TACC2: variants seen among roughly 807,000 people sequenced by gnomAD.
TACC2 encodes the protein transforming acidic coiled-coil-containing protein 2.
In TACC2, 137 loss-of-function variants were observed where a neutral mutation model predicts 227.3. The ratio of observed to expected loss-of-function variants is 0.60; its 90% CI spans 0.52 to 0.69. The LOEUF (loss-of-function observed/expected upper bound fraction) is 0.69, where lower values mean the gene tolerates loss of function less well. TACC2 is among the 30% of genes least tolerant of loss of function. The probability of loss-of-function intolerance (pLI) is 0.00; values close to 1 mark genes in which losing one functional copy is unlikely to be tolerated. For synonymous variants in TACC2, 1,523 were observed against 1,487.5 expected, an observed-to-expected ratio of 1.02 and a Z score of -0.55; for missense variants, 3,470 against 3,694.4, an observed-to-expected ratio of 0.94 and a Z score of 1.57.
chr10:122,217,380 A>G (rs1183172464), intron 11 of TACC2, among the ~76,000 whole-genome samples: 3 of 148,934 alleles, frequency 2.0e-5, no homozygotes, highest in South Asian at 2.1e-4. Context: ...GCTTATCTCA[A>G]TATCCTTCCT....
At chr10:122,078,223 A>T (rs1260482442) in intron 3 of TACC2, among the ~76,000 whole-genome samples, 1 of 145,860 alleles carries the variant, frequency 6.9e-6, no homozygotes, top group African/African-American at 2.5e-5. Context: ...AAAAAAAAAA[A>T]AGTGCCCAGA....
intron 5 of TACC2, among the ~76,000 whole-genome samples, chr10:122,113,958 G>T (rs1004029818): frequency 6.6e-6 from 1 of 152,266 alleles, no homozygotes; most frequent in African/African-American, 2.4e-5. Flanking sequence ...CTGTGGCCAG[G>T]TGTCCTCTTC....
chr10:122,153,291 G>A (rs1223500969), intron 7 of TACC2, among the ~76,000 whole-genome samples: 1 of 152,164 alleles, frequency 6.6e-6, no homozygotes, highest in African/African-American at 2.4e-5. Context: ...CGCCTGGCCC[G>A]ATATGTATTT....
intron 2 of TACC2, among the ~76,000 whole-genome samples, chr10:122,048,432 G>A (rs572050011): frequency 2.5e-5 from 2 of 80,870 alleles, no homozygotes; most frequent in African/African-American, 4.1e-5. Context: ...TTCCCTCCTT[G>A]CTTCCTCCCT....
Position 122,083,238 on chromosome 10 carries a change from G to T in TACC2, c.738G>T (p.Val246=). The T allele has an allele frequency of 6.2e-7, 1 of 1,613,502 alleles. No individual in the cohort carries two copies. ...AGTCCAGGCAGGGGGTGGCTTCTGT[G>T]CAAGTGACCCCTGAGGCCCCTGCTG... The part of the protein sequence containing the change: ...PAESRQGVAS[V]QVTPEAPAAA... The change falls in exon 4 of 23, where the codon GTG becomes GTT. Residue 246 remains valine, a synonymous_variant. Coordinates refer to ENST00000369005, the MANE Select transcript of TACC2 (RefSeq NM_206862.4).
At chr10:122,159,971 G>A (rs2139751134) in intron 7 of TACC2, among the ~76,000 whole-genome samples, 1 of 152,230 alleles carries the variant, frequency 6.6e-6, no homozygotes, top group Admixed American at 6.5e-5. Context: ...TGCAGTTTCT[G>A]ACCATGGCTC....
intron 5 of TACC2, chr10:122,112,897 G>A (rs1216117014): frequency 1.3e-5 from 2 of 152,084 alleles, no homozygotes; most frequent in Non-Finnish European, 2.9e-5. Context: ...TCCTGGCCGG[G>A]GAGGAGAGCG....
intron 6 of TACC2, among the ~76,000 whole-genome samples, chr10:122,135,936 G>T (rs2089534143): frequency 6.6e-6 from 1 of 152,230 alleles, no homozygotes; most frequent in South Asian, 2.1e-4. Flanking sequence ...TGATGCTGAA[G>T]TCCCCTCCTA....
chr10:122,187,325 C>T (rs998945671), intron 7 of TACC2, among the ~76,000 whole-genome samples: 3 of 152,154 alleles, frequency 2.0e-5, no homozygotes, highest in Non-Finnish European at 2.9e-5. Flanking sequence ...CTCGCCCTTT[C>T]TTCGGTACAC....
intron 5 of TACC2, 94 bp from the exon 6 acceptor site, chr10:122,132,515 C>G: frequency 6.7e-7 from 1 of 1,500,596 alleles, no homozygotes; most frequent in Non-Finnish European, 9.2e-7. Context: ...CGCCATTGCC[C>G]TCCAGCCTGG....
intron 7 of TACC2, among the ~76,000 whole-genome samples, chr10:122,158,497 T>A (rs1244317143): frequency 6.6e-6 from 1 of 152,124 alleles, no homozygotes; most frequent in African/African-American, 2.4e-5. Flanking sequence ...CCTCCCTGGG[T>A]CTAATAGTAA....
rs1381505226 is a variant in TACC2, at chr10:122,210,789, A to G, written c.6364A>G (p.Ser2122Gly). Residue 2122 changes from serine to glycine, a missense_variant, in exon 9 of 23, where the codon AGT becomes GGT. Around this residue, in one of 10 missense-constraint regions of TACC2, gnomAD observed 593 missense variants for 636.6 expected, o/e 0.93. Coordinates refer to ENST00000369005, the MANE Select transcript of TACC2 (RefSeq NM_206862.4). The surrounding 1 kb of genome is among the most constrained non-coding windows in gnomAD (Gnocchi z 4.6). ...AYSTGSSSAS[S>G]TLKRTKKPRP... The stretch of plus-strand genomic sequence containing the variant: ...TAGCACGGGTTCCAGCAGTGCTTCT[A>G]GTACCCTTAAGCGAACTAAAAAACC... 6.2e-7 allele frequency: 1 copy of G among 1,613,610 alleles called. No individual in the cohort carries two copies. The highest frequency in any genetic ancestry group is 8.5e-7 in the Non-Finnish European group (1 of 1,180,006).
At chr10:122,099,074 A>C (rs1293876508) in intron 5 of TACC2, among the ~76,000 whole-genome samples, 1 of 152,182 alleles carries the variant, frequency 6.6e-6, no homozygotes, top group Admixed American at 6.5e-5. Context: ...AGCACATCTC[A>C]TGGGACAAAC....
rs1591814582 is a variant in TACC2, at chr10:122,084,199, G to A, written c.1699G>A (p.Glu567Lys). ...EDSTSPAVAK[E>K]GSRSPGDSPG... ...TTCCACAAGCCCAGCCGTGGCTAAA[G>A]AAGGAAGCAGATCACCTGGTGACAG... Residue 567 changes from glutamate to lysine, a missense_variant, in exon 4 of 23, where the codon GAA (glutamate) becomes AAA (lysine). Physicochemically the swap from Glu to Lys is moderately conservative, Grantham distance 56. Around this residue, in one of 10 missense-constraint regions of TACC2, gnomAD observed 1,924 missense variants for 1,978.3 expected, o/e 0.97. Transcript: ENST00000369005. The A allele has an allele frequency of 6.2e-7, 1 of 1,614,140 alleles. No homozygotes were observed. Among genetic ancestry groups the A allele is most frequent in the Non-Finnish European group, 8.5e-7 (1 of 1,180,050 alleles).
chr10:122,188,779 A>G (rs1468460456), intron 7 of TACC2, among the ~76,000 whole-genome samples: 5 of 152,302 alleles, frequency 3.3e-5, no homozygotes, highest in East Asian at 1.9e-4. Context: ...ACATCACAAC[A>G]TAGCCACGAA....
chr10:122,066,013 A>G (rs912351436), intron 3 of TACC2, among the ~76,000 whole-genome samples: 1 of 151,756 alleles, frequency 6.6e-6, no homozygotes, highest in African/African-American at 2.4e-5. Flanking sequence ...CATTTAGCCT[A>G]TTTGTGCTTT....
chr10:122,067,772 C>T (rs528914569), intron 3 of TACC2, among the ~76,000 whole-genome samples: 35 of 152,310 alleles, frequency 2.3e-4, no homozygotes, highest in Admixed American at 1.8e-3. Context: ...TCCCAAAATG[C>T]TGGGATTATA....
chr10:122,191,248 T>C (rs991242215), intron 7 of TACC2, among the ~76,000 whole-genome samples: 2 of 152,166 alleles, frequency 1.3e-5, no homozygotes, highest in South Asian at 2.1e-4. Flanking sequence ...TCCACGTAGC[T>C]GGGATTACAA....
intron 19 of TACC2, 107 bp from the exon 20 acceptor site, chr10:122,248,536 A>T (rs1171592598): frequency 4.0e-5 from 53 of 1,311,972 alleles, no homozygotes; most frequent in Non-Finnish European, 3.2e-6. Flanking sequence ...GGGGTTTGAG[A>T]TGCCCCCACT....
Sources: allele counts gnomAD v4.1 joint callset (sites outside exome capture counted in the v4.1 genomes callset), GRCh38; gene constraint gnomAD v4.1.1; regional missense constraint gnomAD v4.1.1; non-coding constraint Gnocchi (gnomAD v3.1); transcripts MANE v1.5; gene names NCBI Gene and HGNC (gene_info 2026-07-23, HGNC 2026-07-21).